Variants in CRMP1 observed in about 807,000 individuals in gnomAD.
CRMP1 encodes dihydropyrimidinase-related protein 1.
Under a neutral mutation model 68.3 loss-of-function variants are expected in CRMP1, and 19 were observed. The ratio of observed to expected loss-of-function variants is 0.28; its 90% CI spans 0.19 to 0.41. The LOEUF is 0.41. Among genes scored for constraint, CRMP1 ranks in the 10% least tolerant of loss-of-function variants. The pLI, the probability that CRMP1 is intolerant of heterozygous loss-of-function variation, is 1.00. For missense variants in CRMP1, 791 were observed against 967.4 expected (o/e 0.82, Z 2.42); for synonymous variants, 439 against 399.6 (o/e 1.10, Z -1.18).
chr4:5,821,952 C>A lies in CRMP1; in HGVS notation c.1970-101G>T. On this transcript the variant is annotated intron_variant, in intron 13 of 13. Coordinates refer to ENST00000324989, the MANE Select transcript of CRMP1 (RefSeq NM_001014809.3). This position sits in a 1 kb window ranked among gnomAD's most constrained non-coding sequence, Gnocchi z 4.4. The stretch of plus-strand genomic sequence containing the variant: ...TCTGCCATGCACTCCACTGGACCCA[C>A]CTTCATTCAGGGCTCAGTCCAGGAC... The A allele has an allele frequency of 1.1e-6, 1 of 918,812 alleles. No homozygotes were observed. Among genetic ancestry groups the A allele is most frequent in the Non-Finnish European group, 1.5e-6 (1 of 649,934 alleles). 56.9% of individuals were successfully genotyped at this position (918,812 alleles called of 1,614,324 possible).
At chr4:5,885,288 T>C (rs749282141) in intron 1 of CRMP1, among the ~76,000 whole-genome samples, 33 of 151,972 alleles carry the variant, frequency 2.2e-4, no homozygotes, top group Admixed American at 1.7e-3. Flanking sequence ...TACACCCTTA[T>C]CCCCACTGTG....
chr4:5,828,090 A>AG, intron 12 of CRMP1: 1 of 985,420 alleles, frequency 1.0e-6, no homozygotes, highest in Non-Finnish European at 1.2e-6. Context: ...GCCAGACCCG[A>AG]GGGTTTCTGA....
At chr4:5,887,586 C>G in intron 1 of CRMP1, 19 of 985,030 alleles carry the variant, frequency 1.9e-5, no homozygotes, top group Non-Finnish European at 2.3e-5. Flanking sequence ...ACCACCGTCC[C>G]CACCCTCTCG....
At position 5,865,106 on chromosome 4, in the gene CRMP1, C is replaced by T. The variant is rs959361151; in HGVS notation, c.470+1562G>A. On this transcript the variant is annotated intron_variant, in intron 2 of 13. Coordinates refer to ENST00000324989, the MANE Select transcript of CRMP1 (RefSeq NM_001014809.3). This position sits in a 1 kb window ranked among gnomAD's most constrained non-coding sequence, Gnocchi z 4.1. ...CCTCCATCATCATCTCCAAAGCCCA[C>T]ACGGGCCCCAGGATGATCCTGTTAA... Among the ~76,000 whole-genome samples the T allele has an allele frequency of 2.0e-5, 3 of 152,008 alleles. No homozygotes were observed. The highest frequency in any genetic ancestry group is 7.3e-5 in the African/African-American group (3 of 41,364).
rs1023440513 is a variant in CRMP1, at chr4:5,829,340, G to T, written c.1624-672C>A. On this transcript the variant is annotated intron_variant, in intron 11 of 13. Coordinates refer to ENST00000324989, the MANE Select transcript of CRMP1 (RefSeq NM_001014809.3). ...GGAGGTGGAGGTTGCAGTGAGCCGAGATCGTGCCACTGCACTCCAGCCTGG... is the reference window on the plus strand; with the variant it reads ...GGAGGTGGAGGTTGCAGTGAGCCGATATCGTGCCACTGCACTCCAGCCTGG... Among the ~76,000 whole-genome samples, 3 of 152,258 alleles carry T rather than the reference G, an allele frequency of 2.0e-5. No individual in the cohort carries two copies. The South Asian group carries it at 6.2e-4, about 32-fold the overall frequency.
rs1304996582 is a variant in CRMP1 at position 5,891,279 on chromosome 4, A to C, written c.381+1310T>G. ...GGACCACGGAGAGCTCTGGAGCAAC[A>C]GCCCGCCCGCGAAGGGATGGGGCCC... On this transcript the variant is annotated intron_variant, in intron 1 of 13. Coordinates refer to ENST00000324989, the MANE Select transcript of CRMP1 (RefSeq NM_001014809.3). This position sits in a 1 kb window ranked among gnomAD's most constrained non-coding sequence, Gnocchi z 5.2. 1.3e-5 allele frequency among the ~76,000 whole-genome samples: 2 copies of C among 150,116 alleles called. No homozygotes were observed. Among genetic ancestry groups the C allele is most frequent in the African/African-American group, 4.9e-5 (2 of 40,908 alleles).
chr4:5,873,607 T>C (rs1266452716), intron 1 of CRMP1, among the ~76,000 whole-genome samples: 1 of 152,106 alleles, frequency 6.6e-6, no homozygotes, highest in Admixed American at 6.5e-5. Flanking sequence ...ACTCACTCAC[T>C]ATCACAAGAA....
In CRMP1 at chr4:5,833,879, T is replaced by C. The variant is rs186688794; in HGVS notation, c.1623+2036A>G. On this transcript the variant is annotated intron_variant, in intron 11 of 13. Coordinates refer to ENST00000324989, the MANE Select transcript of CRMP1 (RefSeq NM_001014809.3). The stretch of plus-strand genomic sequence containing the variant: ...CTAACATGGTGAAACCTGTCTCTAC[T>C]AAAAATACAAAACAAAATTAGCCGG... Among the ~76,000 whole-genome samples, 280 of 152,190 alleles carry C rather than the reference T, an allele frequency of 1.8e-3. 2 individuals carry two copies. Among genetic ancestry groups the C allele is most frequent in the African/African-American group, 6.4e-3 (267 of 41,538 alleles).
chr4:5,839,493 C>G (rs575497388), intron 9 of CRMP1, 29 bp downstream of exon 9: 1 of 1,584,236 alleles, frequency 6.3e-7, no homozygotes, highest in Non-Finnish European at 8.6e-7. Flanking sequence ...CAGCTGCCTC[C>G]CCCAGCCCCA....
rs754971017 is a variant in CRMP1 at position 5,858,984 on chromosome 4, C to G, written c.655+2042G>C. 6.6e-6 allele frequency among the ~76,000 whole-genome samples: 1 copy of G among 152,204 alleles called. No individual in the cohort carries two copies. Among genetic ancestry groups the G allele is most frequent in the African/African-American group, 2.4e-5 (1 of 41,450 alleles). On this transcript the variant is annotated intron_variant, in intron 3 of 13. Transcript: ENST00000324989. This position sits in a 1 kb window ranked among gnomAD's most constrained non-coding sequence, Gnocchi z 5.5. ...CCAACTCATCCTTCAGATCCCTGTA[C>G]GAATGTCACTTCTTCAGAGAACACT...
In CRMP1 at chr4:5,841,407, G is replaced by C; in HGVS notation, c.1054C>G (p.Arg352Gly). The change falls in exon 8 of 14, where the codon CGG becomes GGG. Residue 352 changes from arginine (R) to glycine (G), a missense_variant. Arg to Gly is a moderately radical substitution (Grantham distance 125, BLOSUM62 -2). Around this residue, in one of 3 missense-constraint regions of CRMP1, gnomAD observed 594 missense variants for 763.6 expected, o/e 0.78. Transcript: ENST00000324989. This position sits in a 1 kb window ranked among gnomAD's most constrained non-coding sequence, Gnocchi z 6.9. ...PEELEAEAVF[R>G]AITIAGRINC... ...ATCCGGCCCGCAATGGTGATGGCCC[G>C]GAACACCGCCTCGGCCTCCAGCTGA... 1.2e-6 allele frequency: 2 copies of C among 1,614,134 alleles called. No homozygotes were observed. The highest frequency in any genetic ancestry group is 1.7e-6 in the Non-Finnish European group (2 of 1,180,020).
chr4:5,836,072 AT>A lies in CRMP1; in HGVS notation c.1465del (p.Met489TrpfsTer43). On this transcript the variant is annotated frameshift_variant, in exon 11 of 14. Transcript: ENST00000324989. LOFTEE classifies it high-confidence loss of function. The stretch of plus-strand genomic sequence containing the variant: ...GACAGCGACAAACTGGTTCTCATCC[AT>A]TTTGCCAGTAGCCTACAGGCAAGAC... ...VWDKAVATGK[M>X]DENQFVAVTS... 6.6e-7 allele frequency: 1 copy of A among 1,524,844 alleles called. No homozygotes were observed. The highest frequency in any genetic ancestry group is 8.8e-7 in the Non-Finnish European group (1 of 1,137,980). The allele number at this position is 1,524,844 out of a possible 1,614,324, so 94.5% of individuals were successfully genotyped here. A position where few individuals can be genotyped will look rare whatever the true frequency, so the allele number is the denominator to read the frequency against.
At chr4:5,871,664 G>T (rs76608812) in intron 1 of CRMP1, among the ~76,000 whole-genome samples, 1,668 of 151,482 alleles carry the variant, frequency 0.011, 32 homozygotes, top group African/African-American at 0.038. Flanking sequence ...CCCGCTCCCC[G>T]CCCACCAAAA....
In CRMP1 at chr4:5,849,375, A is replaced by T. The variant is rs754146987; in HGVS notation, c.963+17T>A. The T allele has an allele frequency of 6.3e-7, 1 of 1,599,482 alleles. No homozygotes were observed. The highest frequency in any genetic ancestry group is 1.3e-5 in the African/African-American group (1 of 74,640). ...AATCAGACTGAGGTAGAAGGAGTGGAAATTCTTGCCACTCACCTGAGCTAT... is the reference window on the plus strand; with the variant it reads ...AATCAGACTGAGGTAGAAGGAGTGGTAATTCTTGCCACTCACCTGAGCTAT... On this transcript the variant is annotated intron_variant, in intron 6 of 13. Coordinates refer to ENST00000324989, the MANE Select transcript of CRMP1 (RefSeq NM_001014809.3).
intron 13 of CRMP1, among the ~76,000 whole-genome samples, chr4:5,822,999 C>G (rs1718919834): frequency 6.6e-6 from 1 of 152,172 alleles, no homozygotes; most frequent in East Asian, 1.9e-4. Context: ...CATACTTTTT[C>G]TAATACATCT....
rs1049820627 is a variant in CRMP1, at chr4:5,870,100, A to G, written c.382-3344T>C. The stretch of plus-strand genomic sequence containing the variant: ...TGCATCAGAATCATACTTCCCTCAG[A>G]GTGAAAGCCAAGGTCAGCGAGACCC... On this transcript the variant is annotated intron_variant, in intron 1 of 13. Coordinates refer to ENST00000324989, the MANE Select transcript of CRMP1 (RefSeq NM_001014809.3). This position sits in a 1 kb window ranked among gnomAD's most constrained non-coding sequence, Gnocchi z 6.0. 6.6e-6 allele frequency among the ~76,000 whole-genome samples: 1 copy of G among 152,184 alleles called. No individual in the cohort carries two copies. Among genetic ancestry groups the G allele is most frequent in the South Asian group, 2.1e-4 (1 of 4,830 alleles).
rs148060486 is a variant in CRMP1, at chr4:5,881,792, T to C, written c.381+10797A>G. Among the ~76,000 whole-genome samples, 768 of 152,254 alleles carry C rather than the reference T, an allele frequency of 5.0e-3. 2 individuals are homozygous for C. The highest frequency in any genetic ancestry group is 0.017 in the African/African-American group (712 of 41,548). On this transcript the variant is annotated intron_variant, in intron 1 of 13. Coordinates refer to ENST00000324989, the MANE Select transcript of CRMP1 (RefSeq NM_001014809.3). This position sits in a 1 kb window ranked among gnomAD's most constrained non-coding sequence, Gnocchi z 4.6. Reference sequence around the variant, plus strand: ...AGCCACACATCGGCAGAGAATTTTTTTGAGTACACCACTGTGCTCACAGCA... The same window carrying C: ...AGCCACACATCGGCAGAGAATTTTTCTGAGTACACCACTGTGCTCACAGCA...
In CRMP1 at chr4:5,865,205, G is replaced by A. The variant is rs569761304; in HGVS notation, c.470+1463C>T. Among the ~76,000 whole-genome samples the A allele has an allele frequency of 1.3e-5, 2 of 152,130 alleles. No individual in the cohort carries two copies. The highest frequency in any genetic ancestry group is 2.4e-5 in the African/African-American group (1 of 41,484). On this transcript the variant is annotated intron_variant, in intron 2 of 13. Transcript: ENST00000324989. This position sits in a 1 kb window ranked among gnomAD's most constrained non-coding sequence, Gnocchi z 4.1. ...TTTCCTTCTTGTGCCAGCCACTCAT[G>A]CTGGATCCTTAAACAGTGTCCTTCT...
intron 2 of CRMP1, among the ~76,000 whole-genome samples, chr4:5,864,425 C>T (rs1157814918): frequency 6.6e-6 from 1 of 152,200 alleles, no homozygotes; most frequent in African/African-American, 2.4e-5. Flanking sequence ...TGACACCCTT[C>T]CCCACCCCCA....
Sources: gnomAD v4.1 joint callset for allele counts (sites outside exome capture counted in the v4.1 genomes callset) on GRCh38, gnomAD v4.1.1 for gene constraint, gnomAD v4.1.1 regional missense constraint, Gnocchi (gnomAD v3.1) non-coding constraint, MANE v1.5 for transcripts, NCBI Gene and HGNC (gene_info 2026-07-23, HGNC 2026-07-21) for gene names.